Variants in ZBTB20 observed in about 807,000 individuals in gnomAD.
ZBTB20 encodes the protein zinc finger and BTB domain containing 20.
Under a neutral mutation model 56.9 loss-of-function variants are expected in ZBTB20, and 9 were observed. That is an observed-to-expected ratio of 0.16 (90% CI 0.10 to 0.28). The LOEUF (loss-of-function observed/expected upper bound fraction) is 0.28. ZBTB20 is among the 10% of genes least tolerant of loss of function. The pLI is 1.00. For missense variants in ZBTB20, 655 were observed against 1,003.0 expected (o/e 0.65, Z 4.69); for synonymous variants, 417 against 420.7 (o/e 0.99, Z 0.11).
At chr3:114,940,604 T>C (rs1483482547) in intron 3 of ZBTB20, among the ~76,000 whole-genome samples, 1 of 146,488 alleles carries the variant, frequency 6.8e-6, no homozygotes, top group Non-Finnish European at 1.5e-5. Flanking sequence ...ATATTTCTTT[T>C]CCTTTAAAAT....
intron 4 of ZBTB20, among the ~76,000 whole-genome samples, chr3:114,897,711 G>A (rs2074943314): frequency 6.6e-6 from 1 of 152,102 alleles, no homozygotes; most frequent in Non-Finnish European, 1.5e-5. Context: ...AAAAACCGAT[G>A]TCTTTGATAT....
rs1016883278 is a variant in ZBTB20 at position 114,412,482 on chromosome 3, C to T, written c.-254-23377G>A. Among the ~76,000 whole-genome samples the T allele has an allele frequency of 7.2e-5, 11 of 152,234 alleles. No homozygotes were observed. The East Asian group carries it at 9.7e-4, about 13-fold the overall frequency. ...CCCATCTCAGTGTGACTGGGTGTAT[C>T]GCTCACTCAAACCTGAAGGGATTTC... On this transcript the variant is annotated intron_variant, in intron 7 of 11. Transcript: ENST00000675478.
chr3:114,503,603 G>A (rs2044258294), intron 6 of ZBTB20, among the ~76,000 whole-genome samples: 1 of 151,998 alleles, frequency 6.6e-6, no homozygotes, highest in African/African-American at 2.4e-5. Context: ...TTTCACAGAG[G>A]ATTAAAAACA....
intron 1 of ZBTB20, among the ~76,000 whole-genome samples, chr3:115,120,322 T>G (rs1293403611): frequency 6.6e-6 from 1 of 152,100 alleles, no homozygotes; most frequent in African/African-American, 2.4e-5. Context: ...AAATTTGCTG[T>G]GAACCTACAA....
chr3:115,142,991 A>C (rs1008132566), intron 1 of ZBTB20, among the ~76,000 whole-genome samples: 3 of 152,234 alleles, frequency 2.0e-5, no homozygotes, highest in Non-Finnish European at 4.4e-5. Flanking sequence ...TAACAAAGTA[A>C]GACTCACCAT....
intron 4 of ZBTB20, among the ~76,000 whole-genome samples, chr3:114,845,385 A>G (rs192450009): frequency 6.7e-6 from 1 of 149,242 alleles, no homozygotes; most frequent in East Asian, 2.0e-4. Context: ...ACCCAAATTT[A>G]TTAAATCTTG....
At chr3:114,930,775 C>G (rs1231680199) in intron 3 of ZBTB20, 1 of 288,018 alleles carries the variant, frequency 3.5e-6, no homozygotes, top group Non-Finnish European at 7.0e-6. Flanking sequence ...GAATACCATA[C>G]AGAAGAGTAA....
At chr3:114,853,481 A>C (rs2075102759) in intron 4 of ZBTB20, among the ~76,000 whole-genome samples, 2 of 152,114 alleles carry the variant, frequency 1.3e-5, no homozygotes, top group South Asian at 4.1e-4. Context: ...TTAGTTTTTC[A>C]TCTGTGGCCT....
At chr3:114,416,207 A>C (rs565819913) in intron 7 of ZBTB20, among the ~76,000 whole-genome samples, 13 of 152,094 alleles carry the variant, frequency 8.5e-5, no homozygotes, top group African/African-American at 2.6e-4. Context: ...ATTTTGCTTT[A>C]GATAATGAGA....
intron 4 of ZBTB20, among the ~76,000 whole-genome samples, chr3:114,842,748 A>G (rs780511317): frequency 8.5e-5 from 13 of 152,232 alleles, no homozygotes; most frequent in Non-Finnish European, 1.5e-4. Flanking sequence ...GAAAATTGTA[A>G]TGGAAACGTA....
chr3:114,450,478 A>AT (rs2091536786), intron 7 of ZBTB20, among the ~76,000 whole-genome samples: 1 of 152,128 alleles, frequency 6.6e-6, no homozygotes, highest in Non-Finnish European at 1.5e-5. Flanking sequence ...GGTGGAATAA[A>AT]TTTTTCTCCA....
rs967917929 is a variant in ZBTB20, at chr3:115,007,528, C to T, written c.-506-33112G>A. 3.3e-4 allele frequency among the ~76,000 whole-genome samples: 50 copies of T among 151,758 alleles called. 1 individual carries two copies. Among genetic ancestry groups the T allele is most frequent in the Admixed American group, 1.1e-3 (16 of 15,196 alleles). ...TATCCCTTTTTCTCACTTATATGCT[C>T]AACTTTTTATTCTTTATAAGTTCTT... On this transcript the variant is annotated intron_variant, in intron 2 of 11. Transcript: ENST00000675478.
At chr3:114,904,597 T>G (rs1410990648) in intron 3 of ZBTB20, among the ~76,000 whole-genome samples, 1 of 151,990 alleles carries the variant, frequency 6.6e-6, no homozygotes, top group Non-Finnish European at 1.5e-5. Flanking sequence ...ATAAAGCCAA[T>G]TTTACTTTTG....
intron 6 of ZBTB20, among the ~76,000 whole-genome samples, chr3:114,590,022 T>G (rs1164756597): frequency 6.6e-6 from 1 of 152,158 alleles, no homozygotes; most frequent in Non-Finnish European, 1.5e-5. Context: ...TCTGAGTATA[T>G]TGGTAATGGG....
rs1233075407 is a variant in ZBTB20 at position 114,315,455 on chromosome 3, CA to C, written c.*23549del. The C allele has an allele frequency of 3.3e-5, 5 of 151,992 alleles. 1 individual carries two copies. The highest frequency in any genetic ancestry group is 3.3e-4 in the Admixed American group (5 of 15,246). The allele number at this position is 151,992 out of a possible 1,614,324, so 9.4% of individuals were successfully genotyped here. A position where few individuals can be genotyped will look rare whatever the true frequency, so the allele number is the denominator to read the frequency against. On this transcript the variant is annotated 3_prime_UTR_variant, in exon 12 of 12. Transcript: ENST00000675478. ...AGTGACACACAGACACTGGAAACACCACTTGAATGAATGAATGAATGGATAT... is the reference window on the plus strand; with the variant it reads ...AGTGACACACAGACACTGGAAACACCCTTGAATGAATGAATGAATGGATAT...
At chr3:115,009,969 T>C (rs2079629617) in intron 2 of ZBTB20, among the ~76,000 whole-genome samples, 1 of 151,980 alleles carries the variant, frequency 6.6e-6, no homozygotes, top group African/African-American at 2.4e-5. Context: ...TTTTTTCTTT[T>C]GTTTTACATT....
intron 1 of ZBTB20, among the ~76,000 whole-genome samples, chr3:115,081,022 T>C (rs367787939): frequency 2.4e-4 from 37 of 152,286 alleles, no homozygotes; most frequent in African/African-American, 8.2e-4. Context: ...AAACTTACTA[T>C]AGGATATCAT....
chr3:114,508,900 T>C (rs1470275248), intron 6 of ZBTB20, among the ~76,000 whole-genome samples: 1 of 152,170 alleles, frequency 6.6e-6, no homozygotes, highest in Non-Finnish European at 1.5e-5. Flanking sequence ...GATAGAGGTC[T>C]AAGACCTTTC....
At chr3:114,686,372 TC>T (rs1480073225) in intron 6 of ZBTB20, among the ~76,000 whole-genome samples, 1 of 152,136 alleles carries the variant, frequency 6.6e-6, no homozygotes, top group Non-Finnish European at 1.5e-5. Flanking sequence ...GCCTAGGAAA[TC>T]CAGAGAACAA....
Sources: allele counts gnomAD v4.1 joint callset (sites outside exome capture counted in the v4.1 genomes callset), GRCh38; gene constraint gnomAD v4.1.1; transcripts MANE v1.5; gene names NCBI Gene and HGNC (gene_info 2026-07-23, HGNC 2026-07-21).